FKBP14: variants seen among roughly 807,000 people sequenced by gnomAD.
FKBP14 encodes the protein FKBP prolyl isomerase 14.
Under a neutral mutation model 21.6 loss-of-function variants are expected in FKBP14, and 20 were observed. That is an observed-to-expected ratio of 0.92 (90% CI 0.65 to 1.34). The LOEUF (loss-of-function observed/expected upper bound fraction) is 1.34. FKBP14 is among the 40% of genes most tolerant of loss of function. The probability of loss-of-function intolerance (pLI) is 0.00; values close to 1 mark genes in which losing one functional copy is unlikely to be tolerated. For synonymous variants in FKBP14, 79 were observed against 86.7 expected (o/e 0.91, Z 0.49); for missense variants, 253 against 249.0 (o/e 1.02, Z -0.11).
In FKBP14 at chr7:30,026,509, G is replaced by A. The variant is rs763587239; in HGVS notation, c.-1C>T. ...CCGCGTTCCACAAGAAAAGCCTCAT[G>A]TTGCTGAAGCAAGGAAAGAAGTCCC... On this transcript the variant is annotated 5_prime_UTR_variant, in exon 1 of 4. Transcript: ENST00000222803. 3.1e-6 allele frequency: 5 copies of A among 1,605,542 alleles called. No individual in the cohort carries two copies. The Admixed American group carries it at 8.6e-5, about 28-fold the overall frequency.
chr7:30,023,939 G>A (rs1178543308), intron 1 of FKBP14, among the ~76,000 whole-genome samples: 1 of 152,132 alleles, frequency 6.6e-6, no homozygotes, highest in South Asian at 2.1e-4. Flanking sequence ...GGGCCATAGC[G>A]GAACCCTATC....
Position 30,014,831 on chromosome 7 carries a change from A to T in FKBP14, c.540T>A (p.His180Gln), listed in dbSNP as rs1447463527. The T allele has an allele frequency of 1.2e-6, 2 of 1,611,864 alleles. No homozygotes were observed. The highest frequency in any genetic ancestry group is 3.4e-5 in the Admixed American group (2 of 59,368). Reference protein sequence around the residue: ...KHGAVVNESHHDALVEDIFDK... With the variant: ...KHGAVVNESHQDALVEDIFDK... ...CAAAAATATCCTCCACCAAAGCATCATGATGACTTTCATTCACCACCGCAC... is the reference window on the plus strand; with the variant it reads ...CAAAAATATCCTCCACCAAAGCATCTTGATGACTTTCATTCACCACCGCAC... Residue 180 changes from histidine (H) to glutamine (Q), a missense_variant, in exon 4 of 4, where the codon CAT becomes CAA. His to Gln is a conservative substitution (Grantham distance 24). Transcript: ENST00000222803.
At chr7:30,019,259 T>TA in intron 2 of FKBP14, 136 bp from the exon 3 acceptor site, 1 of 766,480 alleles carries the variant, frequency 1.3e-6, no homozygotes, top group Admixed American at 3.6e-5. Flanking sequence ...TGATGAAAAT[T>TA]ATGTATATTA....
chr7:30,018,932 A>T (rs1319114970), intron 3 of FKBP14, 64 bp downstream of exon 3: 4 of 1,563,568 alleles, frequency 2.6e-6, no homozygotes, highest in Non-Finnish European at 3.5e-6. Context: ...CAAAAACAAA[A>T]CAAAACAAAA....
At chr7:30,017,484 G>A (rs564324811) in intron 3 of FKBP14, among the ~76,000 whole-genome samples, 25 of 151,836 alleles carry the variant, frequency 1.6e-4, no homozygotes, top group Admixed American at 1.3e-3. Context: ...CAGGAGAATC[G>A]CTTGAACCCG....
Position 30,013,863 on chromosome 7 carries a change from T to C in FKBP14, c.*872A>G, listed in dbSNP as rs943165869. The C allele has an allele frequency of 6.6e-6, 1 of 152,140 alleles. No individual in the cohort carries two copies. The highest frequency in any genetic ancestry group is 1.9e-4 in the East Asian group (1 of 5,192). 9.4% of individuals were successfully genotyped at this position (152,140 alleles called of 1,614,324 possible). A position where few individuals can be genotyped will look rare whatever the true frequency, so the allele number is the denominator to read the frequency against. On this transcript the variant is annotated 3_prime_UTR_variant, in exon 4 of 4. Coordinates refer to ENST00000222803, the MANE Select transcript of FKBP14 (RefSeq NM_017946.4). ...TAGGTAGCATGTCTCAATGCATACA[T>C]ATTTATATGTTATTAACCGTGTTTC...
chr7:30,013,603 T>C lies in FKBP14; in HGVS notation c.*1132A>G, dbSNP rs1239041799. 5 of 152,182 alleles carry C rather than the reference T, an allele frequency of 3.3e-5. No individual in the cohort carries two copies. The highest frequency in any genetic ancestry group is 7.3e-5 in the Non-Finnish European group (5 of 68,040). 9.4% of individuals were successfully genotyped at this position (152,182 alleles called of 1,614,324 possible). ...GAAAATGTAGACTGGTTTACTACTT[T>C]ATCTTATGATACAATGTTATTGTAG... On this transcript the variant is annotated 3_prime_UTR_variant, in exon 4 of 4. Coordinates refer to ENST00000222803, the MANE Select transcript of FKBP14 (RefSeq NM_017946.4).
rs1337466035 is a variant in FKBP14 at position 30,012,872 on chromosome 7, C to T, written c.*1863G>A. On this transcript the variant is annotated 3_prime_UTR_variant, in exon 4 of 4. Transcript: ENST00000222803. ...ACAGCAAACTGAAGAGAGAATTAGA[C>T]CCCAGGGAAATTTTCACTTTTCATT... is the stretch of plus-strand genomic sequence containing the variant. The T allele has an allele frequency of 6.6e-6, 1 of 152,120 alleles. No individual in the cohort carries two copies. The highest frequency in any genetic ancestry group is 2.4e-5 in the African/African-American group (1 of 41,416). 9.4% of individuals were successfully genotyped at this position (152,120 alleles called of 1,614,324 possible). A position where few individuals can be genotyped will look rare whatever the true frequency, so the allele number is the denominator to read the frequency against.
At chr7:30,015,144 T>C (rs1789847818) in intron 3 of FKBP14, among the ~76,000 whole-genome samples, 1 of 152,170 alleles carries the variant, frequency 6.6e-6, no homozygotes, top group South Asian at 2.1e-4. Flanking sequence ...CCAGGTGTGG[T>C]GGCTCATGCC....
Position 30,020,300 on chromosome 7 carries a change from A to G in FKBP14, c.350-1177T>C, listed in dbSNP as rs1285949965. Reference sequence around the variant, plus strand: ...AAAAGAGGCATGCAAGCATGTACTAAAAGACTACAAAATTAGTGTTAAATA... The same window carrying G: ...AAAAGAGGCATGCAAGCATGTACTAGAAGACTACAAAATTAGTGTTAAATA... On this transcript the variant is annotated intron_variant, in intron 2 of 3. Coordinates refer to ENST00000222803, the MANE Select transcript of FKBP14 (RefSeq NM_017946.4). 6.2e-6 allele frequency: 8 copies of G among 1,286,906 alleles called. 1 individual carries two copies. The South Asian group carries it at 9.0e-5, about 14-fold the overall frequency. 79.7% of individuals were successfully genotyped at this position (1,286,906 alleles called of 1,614,324 possible).
rs13311140 is a variant in FKBP14 at position 30,011,576 on chromosome 7, T to C, written c.*3159A>G. On this transcript the variant is annotated 3_prime_UTR_variant, in exon 4 of 4. Transcript: ENST00000222803. ...ATATATATATATACCATATATATGG[T>C]ATATATATATATATAGTATATATAT... is the stretch of plus-strand genomic sequence containing the variant. The C allele has an allele frequency of 2.2e-5, 2 of 92,852 alleles. No individual in the cohort carries two copies. Among genetic ancestry groups the C allele is most frequent in the East Asian group, 5.1e-4 (2 of 3,898 alleles). 5.8% of individuals were successfully genotyped at this position (92,852 alleles called of 1,614,324 possible). A position where few individuals can be genotyped will look rare whatever the true frequency, so the allele number is the denominator to read the frequency against.
At chr7:30,007,225 TTTTTA>T (rs1425815445), downstream of FKBP14, among the ~76,000 whole-genome samples, 2 of 151,652 alleles carry the variant, frequency 1.3e-5, no homozygotes, top group Non-Finnish European at 2.9e-5. Flanking sequence ...TTTTTTTTTT[TTTTTA>T]GACAGAGTCT....
intron 3 of FKBP14, among the ~76,000 whole-genome samples, chr7:30,015,443 A>AATAT (rs141026872): frequency 6.8e-6 from 1 of 147,544 alleles, no homozygotes; most frequent in Non-Finnish European, 1.5e-5. Flanking sequence ...AAAAATTAAA[A>AATAT]ATATATATAT....
Position 30,024,432 on chromosome 7 carries a change from G to A in FKBP14, c.198-1616C>T, listed in dbSNP as rs376238669. On this transcript the variant is annotated intron_variant, in intron 1 of 3. Transcript: ENST00000222803. ...TTCTTTTTCTTCAGAGCGGAGTCTCGCTCTGTTGCCCAGGCTGGAGTGCAG... is the reference window on the plus strand; with the variant it reads ...TTCTTTTTCTTCAGAGCGGAGTCTCACTCTGTTGCCCAGGCTGGAGTGCAG... Among the ~76,000 whole-genome samples the A allele has an allele frequency of 3.3e-5, 5 of 152,144 alleles. No individual in the cohort carries two copies. The East Asian group carries it at 5.8e-4, about 18-fold the overall frequency.
rs899391168 is a variant in FKBP14 at position 30,017,841 on chromosome 7, C to T, written c.477+1155G>A. 2.0e-5 allele frequency among the ~76,000 whole-genome samples: 3 copies of T among 151,942 alleles called. No homozygotes were observed. The East Asian group carries it at 5.8e-4, about 29-fold the overall frequency. On this transcript the variant is annotated intron_variant, in intron 3 of 3. Transcript: ENST00000222803. ...CAGCCTGGCCAATATGGTGAAACCC[C>T]ATCTCTACTAAAAATACAAAAATCA...
At chr7:30,008,737 G>A (rs1789657991), downstream of FKBP14, among the ~76,000 whole-genome samples, 3 of 151,870 alleles carry the variant, frequency 2.0e-5, no homozygotes, top group Non-Finnish European at 4.4e-5. Flanking sequence ...AGCACTTTGG[G>A]AGGCCAAGGC....
rs1467690351 is a variant in FKBP14, at chr7:30,011,605, TATA to T, written c.*3127_*3129del. 3.1e-5 allele frequency: 4 copies of T among 130,608 alleles called. No homozygotes were observed. The highest frequency in any genetic ancestry group is 1.2e-4 in the African/African-American group (4 of 34,748). The allele number at this position is 130,608 out of a possible 1,614,324, so 8.1% of individuals were successfully genotyped here. A position where few individuals can be genotyped will look rare whatever the true frequency, so the allele number is the denominator to read the frequency against. ...TATATATATATAGTATATATATATA[TATA>T]TATTTTTTTTTTTAGATGGGGAGTC... On this transcript the variant is annotated 3_prime_UTR_variant, in exon 4 of 4. Coordinates refer to ENST00000222803, the MANE Select transcript of FKBP14 (RefSeq NM_017946.4).
At position 30,011,591 on chromosome 7, in the gene FKBP14, A is replaced by G. The variant is rs1333718415; in HGVS notation, c.*3144T>C. On this transcript the variant is annotated 3_prime_UTR_variant, in exon 4 of 4. Coordinates refer to ENST00000222803, the MANE Select transcript of FKBP14 (RefSeq NM_017946.4). ...ATATATATGGTATATATATATATAT[A>G]GTATATATATATATATATATTTTTT... The G allele has an allele frequency of 8.0e-6, 1 of 125,206 alleles. No homozygotes were observed. The highest frequency in any genetic ancestry group is 3.0e-5 in the African/African-American group (1 of 33,636). 7.8% of individuals were successfully genotyped at this position (125,206 alleles called of 1,614,324 possible). A position where few individuals can be genotyped will look rare whatever the true frequency, so the allele number is the denominator to read the frequency against.
At chr7:30,023,162 A>C (rs1351339080) in intron 1 of FKBP14, among the ~76,000 whole-genome samples, 1 of 152,206 alleles carries the variant, frequency 6.6e-6, no homozygotes, top group East Asian at 1.9e-4. Flanking sequence ...TAATATAAGT[A>C]CCATTACTAC....
Sources: allele counts gnomAD v4.1 joint callset (sites outside exome capture counted in the v4.1 genomes callset), GRCh38; gene constraint gnomAD v4.1.1; transcripts MANE v1.5; gene names NCBI Gene and HGNC (gene_info 2026-07-23, HGNC 2026-07-21).